Variants in RAI2 observed in about 807,000 individuals in gnomAD.
RAI2 encodes the protein retinoic acid-induced protein 2.
RAI2 carries 5 observed loss-of-function variants against 15.3 expected under a neutral mutation model. That is an observed-to-expected ratio of 0.33 (90% CI 0.17 to 0.69). The LOEUF (loss-of-function observed/expected upper bound fraction) is 0.69. Among genes scored for constraint, RAI2 ranks in the 30% least tolerant of loss-of-function variants. The probability of loss-of-function intolerance (pLI) is 0.69; values close to 1 mark genes in which losing one functional copy is unlikely to be tolerated. For missense variants in RAI2, 424 were observed against 424.7 expected (o/e 1.00, Z 0.01); for synonymous variants, 191 against 184.0 (o/e 1.04, Z -0.31).
At chrX:17,836,131 C>T in intron 1 of RAI2, among the ~76,000 whole-genome samples, 1 of 110,536 alleles carries the variant, frequency 9.0e-6, no homozygotes, top group Non-Finnish European at 1.9e-5. Flanking sequence ...CATTTCCTCA[C>T]ATCTTTTTGG....
At chrX:17,861,067 C>G (rs1446685677) in intron 1 of RAI2, 31 bp downstream of exon 1, 2 of 106,607 alleles carry the variant, frequency 1.9e-5, no homozygotes, top group African/African-American at 6.7e-5. Flanking sequence ...GGGGGTGACC[C>G]CGGCCCGCAC....
chrX:17,809,308 G>A (rs775139150), intron 1 of RAI2, among the ~76,000 whole-genome samples: 22 of 111,544 alleles, frequency 2.0e-4, no homozygotes, highest in Middle Eastern at 9.2e-3. Flanking sequence ...TCATGAGGAC[G>A]GACAGTGGCT....
chrX:17,854,007 C>T lies in RAI2; in HGVS notation c.-25+7091G>A, dbSNP rs550469560. On this transcript the variant is annotated intron_variant, in intron 1 of 1. Coordinates refer to ENST00000451717, the MANE Select transcript of RAI2 (RefSeq NM_021785.6). ...AAAACAAGGAAATGCTATTCTTTCC[C>T]GTTTTTTGCTAGCTGGGCACACACT... 8.1e-5 allele frequency among the ~76,000 whole-genome samples: 9 copies of T among 111,742 alleles called. 1 individual carries two copies. In the South Asian group the frequency reaches 3.4e-3, roughly 42 times the overall value.
intron 1 of RAI2, among the ~76,000 whole-genome samples, chrX:17,827,265 A>G (rs1224956335): frequency 2.7e-5 from 3 of 111,949 alleles, no homozygotes; most frequent in Non-Finnish European, 5.6e-5. Flanking sequence ...CAGGCCACAC[A>G]GAATCATGGC....
intron 1 of RAI2, among the ~76,000 whole-genome samples, chrX:17,842,092 G>T (rs1010986235): frequency 8.9e-6 from 1 of 111,972 alleles, no homozygotes; most frequent in Non-Finnish European, 1.9e-5. Context: ...AGGTATCACT[G>T]CCACCCACTG....
At position 17,800,492 on chromosome X, in the gene RAI2, TCTTTAA is replaced by T; in HGVS notation, c.1513_1518del (p.Leu505_Lys506del). The T allele has an allele frequency of 8.3e-7, 1 of 1,211,479 alleles. No individual in the cohort carries two copies. Among genetic ancestry groups the T allele is most frequent in the South Asian group, 1.8e-5 (1 of 56,842 alleles). ...ATGTGTATTTCCTGGGAGTTCACTT[TCTTTAA>T]CTTTATGCTCCGGTTTTTGATGGGT... is the stretch of plus-strand genomic sequence containing the variant. On this transcript the variant is annotated inframe_deletion, in exon 2 of 2. Coordinates refer to ENST00000451717, the MANE Select transcript of RAI2 (RefSeq NM_021785.6).
At chrX:17,812,503 T>G (rs1202602985) in intron 1 of RAI2, among the ~76,000 whole-genome samples, 1 of 112,005 alleles carries the variant, frequency 8.9e-6, no homozygotes, top group Non-Finnish European at 1.9e-5. Flanking sequence ...AATCTGTTTC[T>G]CATTCAGACT....
In RAI2 at chrX:17,831,474, G is replaced by A. The variant is rs1024209644; in HGVS notation, c.-24-29440C>T. ...ATGCTGTTCTGTTGTAAAACAACAC[G>A]CAGAAAATCTGGCACTAAGTTTTCC... On this transcript the variant is annotated intron_variant, in intron 1 of 1. Coordinates refer to ENST00000451717, the MANE Select transcript of RAI2 (RefSeq NM_021785.6). Among the ~76,000 whole-genome samples, 4 of 111,992 alleles carry A rather than the reference G, an allele frequency of 3.6e-5. No individual in the cohort carries two copies. The South Asian group carries it at 1.1e-3, about 31-fold the overall frequency.
chrX:17,837,148 G>C (rs1038183354), intron 1 of RAI2, among the ~76,000 whole-genome samples: 1 of 111,714 alleles, frequency 9.0e-6, no homozygotes, highest in African/African-American at 3.3e-5. Context: ...TTGGAGGAGA[G>C]AGCTGCAGGG....
chrX:17,829,277 GAAAAAAAA>G (rs11479454), intron 1 of RAI2, among the ~76,000 whole-genome samples: 1 of 52,248 alleles, frequency 1.9e-5, no homozygotes, highest in African/African-American at 7.0e-5. Context: ...CATCTGTATG[GAAAAAAAA>G]AAAAAAAAAA....
intron 1 of RAI2, among the ~76,000 whole-genome samples, chrX:17,822,726 T>A (rs911945830): frequency 1.8e-5 from 2 of 112,538 alleles, no homozygotes; most frequent in African/African-American, 6.5e-5. Context: ...ATGAGGACAA[T>A]TCTAAAAGTA....
intron 1 of RAI2, among the ~76,000 whole-genome samples, chrX:17,822,349 G>A (rs1414958166): frequency 8.9e-6 from 1 of 111,914 alleles, no homozygotes; most frequent in Non-Finnish European, 1.9e-5. Context: ...AGAGAGACCC[G>A]TGACTAAAGA....
At chrX:17,805,801 G>C in intron 1 of RAI2, among the ~76,000 whole-genome samples, 1 of 112,497 alleles carries the variant, frequency 8.9e-6, no homozygotes, top group East Asian at 2.8e-4. Flanking sequence ...TTTCTCTAGA[G>C]AGCTGCTGGC....
chrX:17,838,732 C>A (rs182596285), intron 1 of RAI2, among the ~76,000 whole-genome samples: 1 of 111,019 alleles, frequency 9.0e-6, no homozygotes, highest in African/African-American at 3.3e-5. Context: ...ACACTCCATG[C>A]CCACCACCCT....
At chrX:17,831,294 A>G (rs1419150456) in intron 1 of RAI2, among the ~76,000 whole-genome samples, 2 of 112,113 alleles carry the variant, frequency 1.8e-5, no homozygotes. Flanking sequence ...ACATCTGTCA[A>G]CCTGCATTGG....
At chrX:17,805,177 G>A (rs970226019) in intron 1 of RAI2, among the ~76,000 whole-genome samples, 1 of 112,775 alleles carries the variant, frequency 8.9e-6, no homozygotes, top group African/African-American at 3.2e-5. Flanking sequence ...TGAAGGCCAC[G>A]CCCCTCCATG....
chrX:17,810,359 A>G (rs1333678585), intron 1 of RAI2, among the ~76,000 whole-genome samples: 1 of 112,464 alleles, frequency 8.9e-6, no homozygotes, highest in Admixed American at 9.4e-5. Context: ...AACCAACAAA[A>G]TGTCAAAAAG....
At chrX:17,802,658 C>G (rs969510732) in intron 1 of RAI2, among the ~76,000 whole-genome samples, 2 of 111,609 alleles carry the variant, frequency 1.8e-5, no homozygotes, top group African/African-American at 3.3e-5. Context: ...AGGTGAAGAT[C>G]GATGATGACT....
At chrX:17,838,249 A>G (rs1243806804) in intron 1 of RAI2, among the ~76,000 whole-genome samples, 2 of 112,462 alleles carry the variant, frequency 1.8e-5, no homozygotes, top group Non-Finnish European at 3.8e-5. Flanking sequence ...CTGGGGTATG[A>G]TTATACGGGT....
Sources: gnomAD v4.1 joint callset for allele counts (sites outside exome capture counted in the v4.1 genomes callset) on GRCh38, gnomAD v4.1.1 for gene constraint, MANE v1.5 for transcripts, NCBI Gene and HGNC (gene_info 2026-07-23, HGNC 2026-07-21) for gene names.